The following EIF2AK2 variants were observed in gnomAD, a reference collection of about 807,000 sequenced individuals.
EIF2AK2 encodes the protein eukaryotic translation initiation factor 2 alpha kinase 2, also known as interferon-induced, double-stranded RNA-activated protein kinase.
In EIF2AK2, 40 loss-of-function variants were observed where a neutral mutation model predicts 70.5. The ratio of observed to expected loss-of-function variants is 0.57; its 90% CI spans 0.44 to 0.74. The LOEUF (loss-of-function observed/expected upper bound fraction) is 0.74. Among genes scored for constraint, EIF2AK2 ranks in the 30% least tolerant of loss-of-function variants. The probability of loss-of-function intolerance (pLI) is 0.00; values close to 1 mark genes in which losing one functional copy is unlikely to be tolerated. For synonymous variants in EIF2AK2, 198 were observed against 220.9 expected, an observed-to-expected ratio of 0.90 and a Z score of 0.92; for missense variants, 555 against 644.3, an observed-to-expected ratio of 0.86 and a Z score of 1.50.
Position 37,128,535 on chromosome 2 carries a change from G to A in EIF2AK2, c.786-2124C>T, listed in dbSNP as rs72860774. ...ACTTCTCCAAGAGACATGATCAATC[G>A]TGCGCCGGATAGTGCAATGTCAATT... On this transcript the variant is annotated intron_variant, in intron 10 of 16. Transcript: ENST00000233057. Among the ~76,000 whole-genome samples, 579 of 152,220 alleles carry A rather than the reference G, an allele frequency of 3.8e-3. 7 individuals carry two copies. The highest frequency in any genetic ancestry group is 0.013 in the African/African-American group (546 of 41,526).
chr2:37,110,115 G>T (rs923990190), intron 14 of EIF2AK2, among the ~76,000 whole-genome samples: 2 of 151,608 alleles, frequency 1.3e-5, no homozygotes, highest in African/African-American at 4.9e-5. Flanking sequence ...GCTGTCACCA[G>T]GCTGGAATGC....
chr2:37,144,536 C>G (rs1259562821), intron 4 of EIF2AK2, among the ~76,000 whole-genome samples: 2 of 151,762 alleles, frequency 1.3e-5, no homozygotes, highest in Non-Finnish European at 2.9e-5. Context: ...ATGATCCTGA[C>G]GCTGTGTAGG....
intron 11 of EIF2AK2, among the ~76,000 whole-genome samples, chr2:37,123,811 T>C (rs546102122): frequency 6.6e-6 from 1 of 152,302 alleles, no homozygotes; most frequent in South Asian, 2.1e-4. Context: ...AATTCCATGC[T>C]AAGTGCAGTA....
intron 10 of EIF2AK2, among the ~76,000 whole-genome samples, chr2:37,133,605 T>C (rs1380010079): frequency 2.6e-5 from 4 of 152,144 alleles, no homozygotes; most frequent in African/African-American, 9.7e-5. Flanking sequence ...TTCCCTTCAC[T>C]ACACATCCAA....
intron 11 of EIF2AK2, among the ~76,000 whole-genome samples, chr2:37,124,595 G>A (rs1320781791): frequency 1.3e-5 from 2 of 152,134 alleles, no homozygotes; most frequent in South Asian, 2.1e-4. Context: ...AACAGCCATC[G>A]ATCAGGGGAC....
chr2:37,110,741 T>C (rs2300822), intron 14 of EIF2AK2, among the ~76,000 whole-genome samples: 9,870 of 151,940 alleles, frequency 0.065, 1,109 homozygotes, highest in East Asian at 0.53. Context: ...GAAATTAAAA[T>C]AGGATAAACA....
intron 4 of EIF2AK2, among the ~76,000 whole-genome samples, chr2:37,141,943 A>G (rs1348209138): frequency 6.6e-6 from 1 of 152,204 alleles, no homozygotes; most frequent in African/African-American, 2.4e-5. Context: ...TGTCCTTGGA[A>G]AGTACTATAA....
intron 1 of EIF2AK2, among the ~76,000 whole-genome samples, chr2:37,155,405 C>T (rs1387680877): frequency 6.6e-6 from 1 of 152,194 alleles, no homozygotes; most frequent in Non-Finnish European, 1.5e-5. Flanking sequence ...ATACCCCATC[C>T]AGGACTTGTC....
At chr2:37,118,799 CT>C (rs1203539594) in intron 13 of EIF2AK2, among the ~76,000 whole-genome samples, 1 of 152,224 alleles carries the variant, frequency 6.6e-6, no homozygotes, top group Non-Finnish European at 1.5e-5. Flanking sequence ...CTACTCATTC[CT>C]CTCTGAGCCC....
chr2:37,138,686 C>T (rs1480107864), intron 6 of EIF2AK2, 101 bp from the exon 7 acceptor site: 2 of 950,800 alleles, frequency 2.1e-6, no homozygotes, highest in Non-Finnish European at 3.2e-6. Context: ...AACACATTTA[C>T]CAAATCCACA....
At chr2:37,143,090 G>A (rs995243999) in intron 4 of EIF2AK2, among the ~76,000 whole-genome samples, 8 of 152,002 alleles carry the variant, frequency 5.3e-5, no homozygotes, top group South Asian at 2.1e-4. Context: ...TTAGCTGGCC[G>A]TGGTGGTGGG....
At chr2:37,113,572 A>G (rs1466626854) in intron 14 of EIF2AK2, among the ~76,000 whole-genome samples, 1 of 151,926 alleles carries the variant, frequency 6.6e-6, no homozygotes, top group Non-Finnish European at 1.5e-5. Context: ...AATCAAGGAG[A>G]AAAATTCTAT....
At position 37,103,190 on chromosome 2, in the gene EIF2AK2, CTTTTTTTTTCTT is replaced by C. The variant is rs1284008387; in HGVS notation, c.*4071_*4082del. ...TTAATAAGAGTAGGAATATATATAT[CTTTTTTTTTCTT>C]TTTTTTTTTTGAGACTGAGTTTTGC... On this transcript the variant is annotated 3_prime_UTR_variant, in exon 17 of 17. Transcript: ENST00000233057. The C allele has an allele frequency of 2.7e-5, 4 of 149,918 alleles. No individual in the cohort carries two copies. In the East Asian group the frequency reaches 7.8e-4, roughly 29 times the overall value. 9.3% of individuals were successfully genotyped at this position (149,918 alleles called of 1,614,324 possible).
At position 37,114,877 on chromosome 2, in the gene EIF2AK2, T is replaced by A; in HGVS notation, c.1249-18A>T. 6.7e-7 allele frequency: 1 copy of A among 1,493,670 alleles called. No homozygotes were observed. The highest frequency in any genetic ancestry group is 9.0e-7 in the Non-Finnish European group (1 of 1,108,108). The allele number at this position is 1,493,670 out of a possible 1,614,324, so 92.5% of individuals were successfully genotyped here. A position where few individuals can be genotyped will look rare whatever the true frequency, so the allele number is the denominator to read the frequency against. Reference sequence around the variant, plus strand: ...TTACTTGGCTATGAAAAAAAAAAATTTAACTTACATGTACCAACTTAACAT... The same window carrying A: ...TTACTTGGCTATGAAAAAAAAAAATATAACTTACATGTACCAACTTAACAT... On this transcript the variant is annotated intron_variant, in intron 13 of 16. Transcript: ENST00000233057.
chr2:37,151,447 T>C (rs2148717162), intron 1 of EIF2AK2, among the ~76,000 whole-genome samples: 1 of 152,118 alleles, frequency 6.6e-6, no homozygotes, highest in Middle Eastern at 3.4e-3. Flanking sequence ...CAGGAAATAA[T>C]AAAAAATAAG....
chr2:37,153,203 G>T (rs1162205223), intron 1 of EIF2AK2, among the ~76,000 whole-genome samples: 1 of 151,618 alleles, frequency 6.6e-6, no homozygotes, highest in Non-Finnish European at 1.5e-5. Context: ...TTAATTCCCT[G>T]CCTTTAAGTA....
chr2:37,120,281 G>C, intron 12 of EIF2AK2, 142 bp from the exon 13 acceptor site: 1 of 460,328 alleles, frequency 2.2e-6, no homozygotes, highest in South Asian at 1.1e-4. Flanking sequence ...ACTTTGGGAG[G>C]CCGAGGCGGG....
intron 11 of EIF2AK2, among the ~76,000 whole-genome samples, chr2:37,123,589 A>T (rs1221947347): frequency 6.6e-6 from 1 of 152,128 alleles, no homozygotes; most frequent in Non-Finnish European, 1.5e-5. Context: ...TCATAGCTAA[A>T]TCATACATTA....
At chr2:37,129,964 C>T (rs1305357719) in intron 10 of EIF2AK2, among the ~76,000 whole-genome samples, 2 of 152,200 alleles carry the variant, frequency 1.3e-5, no homozygotes, top group African/African-American at 4.8e-5. Context: ...CTGACTCCCC[C>T]ATGTTAGCTA....
Sources: gnomAD v4.1 joint callset for allele counts (sites outside exome capture counted in the v4.1 genomes callset) on GRCh38, gnomAD v4.1.1 for gene constraint, MANE v1.5 for transcripts, NCBI Gene and HGNC (gene_info 2026-07-23, HGNC 2026-07-21) for gene names.